The following KIAA0513 variants were observed in gnomAD, a reference collection of about 807,000 sequenced individuals.
The protein encoded by KIAA0513 is uncharacterized protein KIAA0513.
A neutral mutation model predicts 56.5 loss-of-function variants in KIAA0513; 39 were observed. The observed-to-expected ratio is 0.69, with a 90% CI of 0.53 to 0.90. The LOEUF is 0.90. KIAA0513 is among the 40% of genes least tolerant of loss of function. The probability of loss-of-function intolerance (pLI) is 0.00; values close to 1 mark genes in which losing one functional copy is unlikely to be tolerated. For missense variants in KIAA0513, 591 were observed against 535.2 expected, an observed-to-expected ratio of 1.10 and a Z score of -1.03; for synonymous variants, 268 against 215.6, an observed-to-expected ratio of 1.24 and a Z score of -2.13.
At chr16:85,029,795 C>G (rs1172792748) in intron 1 of KIAA0513, among the ~76,000 whole-genome samples, 1 of 152,218 alleles carries the variant, frequency 6.6e-6, no homozygotes, top group Non-Finnish European at 1.5e-5. Context: ...CGTAATAACC[C>G]TCACTTTAAT....
intron 1 of KIAA0513, among the ~76,000 whole-genome samples, chr16:85,034,014 C>T (rs2073002145): frequency 6.6e-6 from 1 of 152,152 alleles, no homozygotes; most frequent in Admixed American, 6.5e-5. Flanking sequence ...CGCCATCCCT[C>T]CCCTCAATCC....
intron 6 of KIAA0513, 71 bp from the exon 7 acceptor site, chr16:85,078,344 G>C: frequency 1.9e-6 from 3 of 1,555,638 alleles, no homozygotes; most frequent in Non-Finnish European, 2.7e-6. Context: ...TAGAAGTGTA[G>C]AACAGCGTCT....
At chr16:85,063,802 G>A (rs570853460) in intron 1 of KIAA0513, 2 of 152,142 alleles carry the variant, frequency 1.3e-5, no homozygotes, top group Admixed American at 6.5e-5. Flanking sequence ...TGTAATTAGA[G>A]TAAAATTAAA....
intron 8 of KIAA0513, among the ~76,000 whole-genome samples, chr16:85,079,994 C>T (rs1000436065): frequency 6.6e-6 from 1 of 152,184 alleles, no homozygotes; most frequent in Non-Finnish European, 1.5e-5. Flanking sequence ...CAGTGTCAGA[C>T]GGGCCCTCCC....
chr16:85,033,298 C>G (rs1426776044), intron 1 of KIAA0513, among the ~76,000 whole-genome samples: 2 of 152,170 alleles, frequency 1.3e-5, no homozygotes, highest in African/African-American at 4.8e-5. Context: ...CCCCTCCCAG[C>G]AGGGACGCCA....
rs59350081 is a variant in KIAA0513 at position 85,057,769 on chromosome 16, G to GT, written c.-172-9117dup. On this transcript the variant is annotated intron_variant, in intron 1 of 12. Transcript: ENST00000683363. ...GAGGCTGCCTCTGCTTTTTGTTTTT[G>GT]TTTTTTTTTTTTTTCTCTCTCTCTC... Among the ~76,000 whole-genome samples the GT allele has an allele frequency of 3.8e-3, 538 of 141,718 alleles. 3 individuals are homozygous for GT. The highest frequency in any genetic ancestry group is 5.0e-3 in the Non-Finnish European group (321 of 64,638). The allele number at this position is 141,718 out of a possible 152,430, so 93.0% of individuals were successfully genotyped here. A position where few individuals can be genotyped will look rare whatever the true frequency, so the allele number is the denominator to read the frequency against.
intron 1 of KIAA0513, among the ~76,000 whole-genome samples, chr16:85,050,660 A>G (rs8047023): frequency 0.41 from 62,057 of 151,976 alleles, 14,268 homozygotes; most frequent in African/African-American, 0.63. Context: ...TTCCCTCCCC[A>G]ATCCCCTGGG....
intron 1 of KIAA0513, among the ~76,000 whole-genome samples, chr16:85,038,984 A>G (rs879450765): frequency 2.2e-4 from 33 of 152,250 alleles, no homozygotes; most frequent in Admixed American, 1.2e-3. Flanking sequence ...TATTCATAGC[A>G]CAGATGATGG....
chr16:85,074,405 A>T (rs1468803871), intron 4 of KIAA0513, among the ~76,000 whole-genome samples: 1 of 151,842 alleles, frequency 6.6e-6, no homozygotes, highest in South Asian at 2.1e-4. Flanking sequence ...CTGGTCTCAA[A>T]CTCCCGGGCT....
intron 2 of KIAA0513, among the ~76,000 whole-genome samples, chr16:85,071,306 C>T (rs7195213): frequency 0.076 from 11,578 of 152,308 alleles, 1,440 homozygotes; most frequent in African/African-American, 0.26. Context: ...TGATTTTCTT[C>T]TTGGCCTCAG....
chr16:85,029,262 T>C (rs982220385), intron 1 of KIAA0513, among the ~76,000 whole-genome samples: 3 of 152,224 alleles, frequency 2.0e-5, no homozygotes, highest in Non-Finnish European at 4.4e-5. Context: ...GACTCACATG[T>C]AGGCAGCGTT....
chr16:85,044,400 A>G (rs934109657), intron 1 of KIAA0513, among the ~76,000 whole-genome samples: 1 of 152,182 alleles, frequency 6.6e-6, no homozygotes, highest in Non-Finnish European at 1.5e-5. Context: ...AGAGGGGGAC[A>G]CGTTGACAAT....
chr16:85,044,271 C>T (rs759771084), intron 1 of KIAA0513, among the ~76,000 whole-genome samples: 11 of 152,102 alleles, frequency 7.2e-5, no homozygotes, highest in African/African-American at 2.2e-4. Flanking sequence ...CAGTGGTGCC[C>T]GCTGTGTGTG....
At chr16:85,077,760 G>A (rs1317141781) in intron 6 of KIAA0513, 128 bp downstream of exon 6, 5 of 690,488 alleles carry the variant, frequency 7.2e-6, no homozygotes, top group Middle Eastern at 4.1e-4. Flanking sequence ...GCGCTGCCCA[G>A]CCACTTCTGC....
chr16:85,085,731 G>C (rs1407973566), intron 10 of KIAA0513, among the ~76,000 whole-genome samples: 1 of 152,216 alleles, frequency 6.6e-6, no homozygotes, highest in Admixed American at 6.5e-5. Context: ...GGACAGGTGA[G>C]GGATTAACAG....
At position 85,088,490 on chromosome 16, in the gene KIAA0513, C is replaced by T; in HGVS notation, c.*165C>T. The T allele has an allele frequency of 8.1e-6, 5 of 620,234 alleles. No individual in the cohort carries two copies. Among genetic ancestry groups the T allele is most frequent in the South Asian group, 3.7e-5 (2 of 53,390 alleles). The allele number at this position is 620,234 out of a possible 1,614,324, so 38.4% of individuals were successfully genotyped here. A position where few individuals can be genotyped will look rare whatever the true frequency, so the allele number is the denominator to read the frequency against. On this transcript the variant is annotated 3_prime_UTR_variant, in exon 13 of 13. Coordinates refer to ENST00000683363, the MANE Select transcript of KIAA0513 (RefSeq NM_001388359.1). ...TTAGAAGAATCCGCTGTTCCTCCCT[C>T]ATCTCCTCTGCCTGTGTCTGCGACC...
chr16:85,047,397 A>G (rs896537132), intron 1 of KIAA0513, among the ~76,000 whole-genome samples: 1 of 151,996 alleles, frequency 6.6e-6, no homozygotes, highest in African/African-American at 2.4e-5. Flanking sequence ...TGGGCCTCCT[A>G]TCTTCACCCC....
chr16:85,077,410 C>T lies in KIAA0513; in HGVS notation c.575-15C>T, dbSNP rs1298875678. The T allele has an allele frequency of 6.2e-7, 1 of 1,613,106 alleles. No homozygotes were observed. Among genetic ancestry groups the T allele is most frequent in the Non-Finnish European group, 8.5e-7 (1 of 1,179,482 alleles). ...CAGCCTCACTGGCCTCGTCTTGTTCCCTCTCTCATCCAAGGAAAACCACAG... is the reference window on the plus strand; with the variant it reads ...CAGCCTCACTGGCCTCGTCTTGTTCTCTCTCTCATCCAAGGAAAACCACAG... On this transcript the variant is annotated splice_polypyrimidine_tract_variant and intron_variant, in intron 5 of 12. Transcript: ENST00000683363.
intron 1 of KIAA0513, among the ~76,000 whole-genome samples, chr16:85,054,191 T>A (rs61159172): frequency 0.044 from 6,684 of 152,100 alleles, 497 homozygotes; most frequent in African/African-American, 0.15. Context: ...TTTACACTAT[T>A]ACACATTTTC....
Sources: gnomAD v4.1 joint callset for allele counts (sites outside exome capture counted in the v4.1 genomes callset) on GRCh38, gnomAD v4.1.1 for gene constraint, MANE v1.5 for transcripts, NCBI Gene and HGNC (gene_info 2026-07-23, HGNC 2026-07-21) for gene names.